PTPRQ: variants seen among roughly 807,000 people sequenced by gnomAD.
PTPRQ encodes the protein phosphatidylinositol phosphatase PTPRQ.
PTPRQ carries 199 observed loss-of-function variants against 246.0 expected under a neutral mutation model. The ratio of observed to expected loss-of-function variants is 0.81; its 90% CI spans 0.72 to 0.91. PTPRQ has a LOEUF of 0.91. Among genes scored for constraint, PTPRQ ranks in the 40% least tolerant of loss-of-function variants. PTPRQ has a pLI of 0.00. For synonymous variants in PTPRQ, 869 were observed against 853.2 expected (o/e 1.02, Z -0.32); for missense variants, 2,624 against 2,528.4 (o/e 1.04, Z -0.81).
At chr12:80,537,100 A>C (rs1290564503) in intron 19 of PTPRQ, among the ~76,000 whole-genome samples, 1 of 152,244 alleles carries the variant, frequency 6.6e-6, no homozygotes, top group Non-Finnish European at 1.5e-5. Flanking sequence ...AATCTTAAGA[A>C]TGCTTTTAAG....
chr12:80,624,176 G>A (rs991885750), intron 33 of PTPRQ, among the ~76,000 whole-genome samples: 41 of 152,164 alleles, frequency 2.7e-4, no homozygotes, highest in Admixed American at 6.6e-5. Flanking sequence ...GATGTGTAAT[G>A]AAGGACAGAG....
At chr12:80,578,710 A>T (rs1897345146) in intron 25 of PTPRQ, among the ~76,000 whole-genome samples, 1 of 152,134 alleles carries the variant, frequency 6.6e-6, no homozygotes, top group South Asian at 2.1e-4. Context: ...GGAAAAATTA[A>T]ACATACTTAG....
At chr12:80,561,737 G>A (rs764726025) in intron 25 of PTPRQ, among the ~76,000 whole-genome samples, 1 of 152,106 alleles carries the variant, frequency 6.6e-6, no homozygotes, top group Non-Finnish European at 1.5e-5. Flanking sequence ...TGTAAAAAGG[G>A]TCAGTTTTGC....
chr12:80,632,318 A>G, intron 34 of PTPRQ, 27 bp downstream of exon 34: 2 of 1,551,052 alleles, frequency 1.3e-6, no homozygotes, highest in Middle Eastern at 3.3e-4. Context: ...CTTACATTCC[A>G]GGATGCTTTA....
intron 35 of PTPRQ, among the ~76,000 whole-genome samples, chr12:80,638,988 C>T (rs1899758432): frequency 6.6e-6 from 1 of 152,148 alleles, no homozygotes; most frequent in African/African-American, 2.4e-5. Context: ...TACAGAACAA[C>T]ATTTTGTGAT....
At chr12:80,573,734 A>C (rs1196030109) in intron 25 of PTPRQ, among the ~76,000 whole-genome samples, 1 of 152,052 alleles carries the variant, frequency 6.6e-6, no homozygotes, top group African/African-American at 2.4e-5. Flanking sequence ...AATTGTGTTT[A>C]CTTTCTTTTT....
intron 25 of PTPRQ, among the ~76,000 whole-genome samples, chr12:80,582,458 G>C (rs1487351245): frequency 6.6e-6 from 1 of 152,166 alleles, no homozygotes; most frequent in Non-Finnish European, 1.5e-5. Context: ...AGGCCTTTCA[G>C]AGGTAATTAG....
At chr12:80,649,266 A>G (rs1900176890) in intron 36 of PTPRQ, among the ~76,000 whole-genome samples, 1 of 152,114 alleles carries the variant, frequency 6.6e-6, no homozygotes, top group Admixed American at 6.6e-5. Flanking sequence ...TCTGACAAAG[A>G]GGTATTATGT....
At chr12:80,667,848 G>A (rs1920443) in intron 39 of PTPRQ, among the ~76,000 whole-genome samples, 3,580 of 151,730 alleles carry the variant, frequency 0.024, 121 homozygotes, top group African/African-American at 0.078. Flanking sequence ...ACATATTTAG[G>A]TCTTTCGGTT....
chr12:80,658,405 G>C (rs943877780), intron 39 of PTPRQ, among the ~76,000 whole-genome samples: 5 of 151,962 alleles, frequency 3.3e-5, no homozygotes, highest in African/African-American at 1.2e-4. Flanking sequence ...CAAATGGACA[G>C]TTATGTCCAT....
At chr12:80,628,564 G>C (rs1899295129) in intron 33 of PTPRQ, among the ~76,000 whole-genome samples, 1 of 152,024 alleles carries the variant, frequency 6.6e-6, no homozygotes, top group African/African-American at 2.4e-5. Flanking sequence ...TTCAATGCCT[G>C]ATCTTCAAAC....
rs1166857406 is a variant in PTPRQ, at chr12:80,468,938, A to G, written c.1039+100A>G. 4 of 1,448,884 alleles carry G rather than the reference A, an allele frequency of 2.8e-6. No individual in the cohort carries two copies. In the Admixed American group the frequency reaches 9.1e-5, roughly 33 times the overall value. The allele number at this position is 1,448,884 out of a possible 1,614,324, so 89.8% of individuals were successfully genotyped here. The stretch of plus-strand genomic sequence containing the variant: ...TTAAAAGTATCAGACTCTTTTTAAA[A>G]GACTCTAAGATTGAAGCAAACAATA... On this transcript the variant is annotated intron_variant, in intron 7 of 44. Coordinates refer to ENST00000644991, the MANE Select transcript of PTPRQ (RefSeq NM_001145026.2).
At chr12:80,519,951 A>G (rs149582256) in intron 17 of PTPRQ, among the ~76,000 whole-genome samples, 1 of 152,102 alleles carries the variant, frequency 6.6e-6, no homozygotes, top group African/African-American at 2.4e-5. Flanking sequence ...GCTTATCTTG[A>G]GTCCAGTGCT....
intron 19 of PTPRQ, among the ~76,000 whole-genome samples, chr12:80,536,950 G>A (rs1881303): frequency 0.55 from 83,074 of 152,014 alleles, 27,411 homozygotes; most frequent in Non-Finnish European, 0.72. Flanking sequence ...GGTTCTCTTT[G>A]TCCATATCTA....
chr12:80,652,176 T>C (rs1000689200), intron 37 of PTPRQ, among the ~76,000 whole-genome samples: 2 of 152,122 alleles, frequency 1.3e-5, no homozygotes, highest in African/African-American at 4.8e-5. Flanking sequence ...TCATAAATTT[T>C]CATCAAATGT....
Position 80,657,933 on chromosome 12 carries a change from T to A in PTPRQ, c.6116-52T>A, listed in dbSNP as rs1047715020. 84 of 1,255,430 alleles carry A rather than the reference T, an allele frequency of 6.7e-5. No homozygotes were observed. In the East Asian group the frequency reaches 9.6e-4, roughly 14 times the overall value. The allele number at this position is 1,255,430 out of a possible 1,614,324, so 77.8% of individuals were successfully genotyped here. A position where few individuals can be genotyped will look rare whatever the true frequency, so the allele number is the denominator to read the frequency against. On this transcript the variant is annotated intron_variant, in intron 38 of 44. Transcript: ENST00000644991. Reference sequence around the variant, plus strand: ...TGTATTACTTTTATAGTAAAAAAAGTAGTAACAATTTAAAAAGCCAATTAA... The same window carrying A: ...TGTATTACTTTTATAGTAAAAAAAGAAGTAACAATTTAAAAAGCCAATTAA...
chr12:80,506,343 G>T, intron 15 of PTPRQ, 137 bp downstream of exon 15: 3 of 988,040 alleles, frequency 3.0e-6, no homozygotes, highest in Non-Finnish European at 4.3e-6. Context: ...AATAAGCTAG[G>T]AGTTTATTGC....
Position 80,445,525 on chromosome 12 carries a change from A to G in PTPRQ, c.198A>G (p.Arg66=), listed in dbSNP as rs1473441330. ...PGPPVFLAGE[R]VGSAGILLSW... Reference sequence around the variant, plus strand: ...CTCCAGTCTTCCTAGCCGGGGAAAGAGTCGGATCTGCTGGGATTCTTCTGT... The same window carrying G: ...CTCCAGTCTTCCTAGCCGGGGAAAGGGTCGGATCTGCTGGGATTCTTCTGT... The change falls in exon 3 of 45, where the codon AGA becomes AGG. Residue 66 remains arginine, a synonymous_variant. Coordinates refer to ENST00000644991, the MANE Select transcript of PTPRQ (RefSeq NM_001145026.2). The G allele has an allele frequency of 6.5e-7, 1 of 1,548,016 alleles. No homozygotes were observed. Among genetic ancestry groups the G allele is most frequent in the Non-Finnish European group, 8.7e-7 (1 of 1,145,428 alleles).
rs1433744159 is a variant in PTPRQ at position 80,534,002 on chromosome 12, C to CT, written c.2679-8dup. The CT allele has an allele frequency of 4.1e-6, 6 of 1,450,090 alleles. No individual in the cohort carries two copies. Among genetic ancestry groups the CT allele is most frequent in the Non-Finnish European group, 5.5e-6 (6 of 1,098,048 alleles). 89.8% of individuals were successfully genotyped at this position (1,450,090 alleles called of 1,614,324 possible). On this transcript the variant is annotated splice_polypyrimidine_tract_variant and intron_variant, in intron 17 of 44. Transcript: ENST00000644991. ...AAAATTCAATTCTACAGATAATATT[C>CT]TTTTTATCTCAGGAATAGATCATCA...
Sources: allele counts gnomAD v4.1 joint callset (sites outside exome capture counted in the v4.1 genomes callset), GRCh38; gene constraint gnomAD v4.1.1; transcripts MANE v1.5; gene names NCBI Gene and HGNC (gene_info 2026-07-23, HGNC 2026-07-21).